FBP2: variants seen among roughly 807,000 people sequenced by gnomAD.
The protein encoded by FBP2 is fructose-1,6-bisphosphatase isozyme 2.
FBP2 carries 27 observed loss-of-function variants against 31.6 expected under a neutral mutation model. The observed-to-expected ratio is 0.85, with a 90% CI of 0.63 to 1.18. The LOEUF is 1.18. FBP2 is among the 50% of genes most tolerant of loss of function. The pLI is 0.00. For synonymous variants in FBP2, 168 were observed against 179.8 expected (o/e 0.93, Z 0.53); for missense variants, 421 against 436.1 (o/e 0.97, Z 0.31).
intron 3 of FBP2, among the ~76,000 whole-genome samples, chr9:94,577,115 T>G (rs1219454176): frequency 6.6e-6 from 1 of 152,212 alleles, no homozygotes; most frequent in Non-Finnish European, 1.5e-5. Flanking sequence ...CATGTAGGTC[T>G]GGGGCACTGA....
At chr9:94,585,178 GT>G (rs1003512396) in intron 2 of FBP2, among the ~76,000 whole-genome samples, 1 of 151,618 alleles carries the variant, frequency 6.6e-6, no homozygotes, top group African/African-American at 2.4e-5. Context: ...CTTTGTTTCT[GT>G]TTTTTTTCCT....
chr9:94,565,599 C>T (rs1417512850), intron 5 of FBP2, among the ~76,000 whole-genome samples: 1 of 152,044 alleles, frequency 6.6e-6, no homozygotes, highest in East Asian at 1.9e-4. Flanking sequence ...AGAGATGGAA[C>T]CCATATTCCT....
intron 1 of FBP2, among the ~76,000 whole-genome samples, chr9:94,591,497 G>A (rs994805101): frequency 3.3e-5 from 5 of 152,178 alleles, no homozygotes; most frequent in South Asian, 2.1e-4. Context: ...AGCGCCGCAC[G>A]CAGCCCCAGT....
At chr9:94,582,852 T>C (rs1233740030) in intron 3 of FBP2, among the ~76,000 whole-genome samples, 89 of 110,390 alleles carry the variant, frequency 8.1e-4, no homozygotes, top group African/African-American at 3.5e-3. Context: ...CCAGCCCCCT[T>C]TTTTTTTTTT....
chr9:94,583,238 A>G (rs74562587), intron 3 of FBP2, among the ~76,000 whole-genome samples: 8,891 of 152,214 alleles, frequency 0.058, 384 homozygotes, highest in African/African-American at 0.1. Context: ...CATGAAGTAT[A>G]AGTAAAACTA....
At position 94,593,578 on chromosome 9, in the gene FBP2, C is replaced by T. The variant is rs765534622; in HGVS notation, c.149G>A (p.Arg50His). 5.0e-6 allele frequency: 8 copies of T among 1,613,640 alleles called. No individual in the cohort carries two copies. Among genetic ancestry groups the T allele is most frequent in the African/African-American group, 4.0e-5 (3 of 74,910 alleles). Residue 50 changes from arginine to histidine, a missense_variant, in exon 1 of 7, where the codon CGC (arginine) becomes CAC (histidine). Physicochemically the swap from Arg to His is conservative, Grantham distance 29. Coordinates refer to ENST00000375337, the MANE Select transcript of FBP2 (RefSeq NM_003837.4). ...TCACAGGTGGGCCAGACCGGCCTTG[C>T]GCACAGCCGAGGAGATGGCTTTGAT... The part of the protein sequence containing the change: ...TAIKAISSAV[R>H]KAGLAHLYGI...
chr9:94,562,183 C>T (rs1458584083), intron 6 of FBP2, among the ~76,000 whole-genome samples: 3 of 151,784 alleles, frequency 2.0e-5, no homozygotes, highest in Non-Finnish European at 4.4e-5. Context: ...TGGTGGCGGG[C>T]GCCTGTAGTC....
At chr9:94,560,464 C>T (rs1827080117) in intron 6 of FBP2, among the ~76,000 whole-genome samples, 1 of 152,228 alleles carries the variant, frequency 6.6e-6, no homozygotes, top group East Asian at 1.9e-4. Context: ...GTCGTTCTGG[C>T]CGAGGCCCTG....
chr9:94,586,916 G>C (rs1226492673), intron 2 of FBP2: 1 of 161,032 alleles, frequency 6.2e-6, no homozygotes. Context: ...GTAACCCCTC[G>C]CAAAGTGCCG....
At chr9:94,567,011 G>A (rs528432207) in intron 5 of FBP2, among the ~76,000 whole-genome samples, 3 of 152,164 alleles carry the variant, frequency 2.0e-5, no homozygotes, top group Non-Finnish European at 2.9e-5. Context: ...TTTTGTAAAT[G>A]TGATCTCTGC....
intron 2 of FBP2, 149 bp from the exon 3 acceptor site, chr9:94,584,818 G>C (rs1014611030): frequency 4.7e-6 from 3 of 631,610 alleles, no homozygotes; most frequent in Non-Finnish European, 8.7e-6. Flanking sequence ...CATGACTTAC[G>C]GAGGGCAGGG....
intron 5 of FBP2, among the ~76,000 whole-genome samples, chr9:94,563,817 C>T: frequency 6.6e-6 from 1 of 152,020 alleles, no homozygotes; most frequent in East Asian, 1.9e-4. Context: ...ATATAGAAAG[C>T]AGAAAAAAGC....
Position 94,588,196 on chromosome 9 carries a change from C to T in FBP2, c.171-727G>A, listed in dbSNP as rs141906128. On this transcript the variant is annotated intron_variant, in intron 1 of 6. Coordinates refer to ENST00000375337, the MANE Select transcript of FBP2 (RefSeq NM_003837.4). Reference sequence around the variant, plus strand: ...TTTGTGGATTGTCCTCACACAGTGCCCTGCTGGAATGAATTAAAATTGCCC... The same window carrying T: ...TTTGTGGATTGTCCTCACACAGTGCTCTGCTGGAATGAATTAAAATTGCCC... Among the ~76,000 whole-genome samples, 479 of 152,284 alleles carry T rather than the reference C, an allele frequency of 3.1e-3. 1 individual carries two copies. Among genetic ancestry groups the T allele is most frequent in the African/African-American group, 0.011 (451 of 41,562 alleles).
chr9:94,562,024 T>C (rs1587835751), intron 6 of FBP2, among the ~76,000 whole-genome samples: 1 of 152,074 alleles, frequency 6.6e-6, no homozygotes, highest in African/African-American at 2.4e-5. Flanking sequence ...AGAATTTCCA[T>C]GTCTTCGCCG....
chr9:94,567,449 A>C, intron 4 of FBP2, 42 bp from the exon 5 acceptor site: 1 of 1,571,552 alleles, frequency 6.4e-7, no homozygotes, highest in Non-Finnish European at 8.6e-7. Flanking sequence ...GAGAGAAGCC[A>C]GGAAACAAGC....
chr9:94,571,235 G>T (rs767837780), intron 4 of FBP2, among the ~76,000 whole-genome samples: 1 of 152,174 alleles, frequency 6.6e-6, no homozygotes. Context: ...GGCCTGAGTT[G>T]ATGCAACTGG....
intron 6 of FBP2, among the ~76,000 whole-genome samples, chr9:94,562,128 G>A (rs539636430): frequency 2.0e-4 from 31 of 151,860 alleles, no homozygotes; most frequent in Admixed American, 7.9e-4. Flanking sequence ...TGGCTAACAT[G>A]GTGAAACCCC....
In FBP2 at chr9:94,558,977, T is replaced by A. The variant is rs201920908; in HGVS notation, c.981A>T (p.Glu327Asp). The change falls in exon 7 of 7, where the codon GAA becomes GAT. Residue 327 changes from glutamate to aspartate, a missense_variant. By Grantham distance (45) the Glu-to-Asp change is conservative. Coordinates refer to ENST00000375337, the MANE Select transcript of FBP2 (RefSeq NM_003837.4). ...GATTTTTCTGCACACAGGTGAGATA[T>A]TCCTGCACATCCTCTGGTGACCCCA... ...LILGSPEDVQ[E>D]YLTCVQKNQA... The A allele has an allele frequency of 7.4e-6, 12 of 1,613,958 alleles. No individual in the cohort carries two copies. The East Asian group carries it at 8.9e-5, about 12-fold the overall frequency.
In FBP2 at chr9:94,567,412, C is replaced by A. The variant is rs1338909299; in HGVS notation, c.568-5G>T. ...CAGGACAAATTCACCAAGAGCCTAGCAACATGAAGAGAGATGCCAGGAAGA... is the reference window on the plus strand; with the variant it reads ...CAGGACAAATTCACCAAGAGCCTAGAAACATGAAGAGAGATGCCAGGAAGA... On this transcript the variant is annotated splice_polypyrimidine_tract_variant and splice_region_variant and intron_variant, in intron 4 of 6. Transcript: ENST00000375337. 1.2e-6 allele frequency: 2 copies of A among 1,613,542 alleles called. No homozygotes were observed. The highest frequency in any genetic ancestry group is 2.7e-5 in the African/African-American group (2 of 74,754).
Sources: allele counts gnomAD v4.1 joint callset (sites outside exome capture counted in the v4.1 genomes callset), GRCh38; gene constraint gnomAD v4.1.1; transcripts MANE v1.5; gene names NCBI Gene and HGNC (gene_info 2026-07-23, HGNC 2026-07-21).